BLMH: variants seen among roughly 807,000 people sequenced by gnomAD.
BLMH encodes bleomycin hydrolase.
A neutral mutation model predicts 61.6 loss-of-function variants in BLMH; 32 were observed. The ratio of observed to expected loss-of-function variants is 0.52; its 90% CI spans 0.39 to 0.70. BLMH has a LOEUF of 0.70. Among genes scored for constraint, BLMH ranks in the 30% least tolerant of loss-of-function variants. The pLI is 0.00. For missense variants in BLMH, 460 were observed against 555.5 expected (o/e 0.83, Z 1.73); for synonymous variants, 183 against 193.8 (o/e 0.94, Z 0.46).
At chr17:30,276,753 C>A (rs552515280) in intron 6 of BLMH, among the ~76,000 whole-genome samples, 1 of 152,310 alleles carries the variant, frequency 6.6e-6, no homozygotes, top group African/African-American at 2.4e-5. Flanking sequence ...AACACACTAA[C>A]AATTCGTTTT....
At chr17:30,249,202 A>G (rs760220201) in intron 11 of BLMH, 34 bp from the exon 12 acceptor site, 26 of 1,609,710 alleles carry the variant, frequency 1.6e-5, no homozygotes, top group Middle Eastern at 3.3e-4. Context: ...ATGAGTCCAG[A>G]GGGCAAGGGA....
chr17:30,265,042 T>A (rs1908062086), intron 11 of BLMH, among the ~76,000 whole-genome samples: 1 of 152,210 alleles, frequency 6.6e-6, no homozygotes, highest in Non-Finnish European at 1.5e-5. Flanking sequence ...AGTAGTTAAC[T>A]TAATAGGCAC....
chr17:30,275,328 A>G (rs1017709754), intron 6 of BLMH, among the ~76,000 whole-genome samples: 2 of 152,226 alleles, frequency 1.3e-5, no homozygotes, highest in Non-Finnish European at 2.9e-5. Context: ...CATCATTACG[A>G]TCCAAGGATA....
chr17:30,271,904 CTAGT>C (rs1028179257), intron 9 of BLMH, among the ~76,000 whole-genome samples: 1 of 152,154 alleles, frequency 6.6e-6, no homozygotes, highest in African/African-American at 2.4e-5. Context: ...CTTGCATGTT[CTAGT>C]TAGTGTGAGA....
intron 11 of BLMH, among the ~76,000 whole-genome samples, chr17:30,258,380 T>A (rs1293363437): frequency 6.6e-6 from 1 of 152,150 alleles, no homozygotes; most frequent in Non-Finnish European, 1.5e-5. Flanking sequence ...AACCATTTGC[T>A]GATAAAAGAA....
intron 2 of BLMH, 67 bp downstream of exon 2, chr17:30,291,244 A>ATTT (rs2143063503): frequency 1.3e-6 from 2 of 1,561,982 alleles, no homozygotes; most frequent in Non-Finnish European, 1.7e-6. Context: ...CCACTCTTAA[A>ATTT]TAAGACACCA....
intron 3 of BLMH, 128 bp downstream of exon 3, chr17:30,289,245 G>T: frequency 2.1e-6 from 1 of 472,070 alleles, no homozygotes; most frequent in Non-Finnish European, 3.6e-6. Flanking sequence ...TACTCTGGAA[G>T]TCAGAATAAA....
chr17:30,251,315 C>T (rs1907661404), intron 11 of BLMH, among the ~76,000 whole-genome samples: 1 of 152,096 alleles, frequency 6.6e-6, no homozygotes, highest in African/African-American at 2.4e-5. Flanking sequence ...AATGCTTTAC[C>T]CGAGCCATTG....
Position 30,248,871 on chromosome 17 carries a change from T to C in BLMH, c.*146A>G. ...CTGTTTCAGCATAAAGCACACTTTCTGAAGAGGTTCCTGGTGGAGACTGGA... is the reference window on the plus strand; with the variant it reads ...CTGTTTCAGCATAAAGCACACTTTCCGAAGAGGTTCCTGGTGGAGACTGGA... On this transcript the variant is annotated 3_prime_UTR_variant, in exon 12 of 12. Coordinates refer to ENST00000261714, the MANE Select transcript of BLMH (RefSeq NM_000386.4). 9.9e-7 allele frequency: 1 copy of C among 1,013,070 alleles called. No individual in the cohort carries two copies. Among genetic ancestry groups the C allele is most frequent in the Non-Finnish European group, 1.5e-6 (1 of 684,542 alleles). The allele number at this position is 1,013,070 out of a possible 1,614,324, so 62.8% of individuals were successfully genotyped here.
chr17:30,280,505 G>A (rs1487531783), intron 6 of BLMH, among the ~76,000 whole-genome samples: 1 of 152,060 alleles, frequency 6.6e-6, no homozygotes, highest in African/African-American at 2.4e-5. Flanking sequence ...GAGACAGGGT[G>A]TCCCTCTGTC....
Position 30,287,957 on chromosome 17 carries a change from A to G in BLMH, c.322-10T>C. 2.5e-6 allele frequency: 4 copies of G among 1,602,896 alleles called. No homozygotes were observed. Among genetic ancestry groups the G allele is most frequent in the Non-Finnish European group, 3.4e-6 (4 of 1,175,428 alleles). On this transcript the variant is annotated splice_polypyrimidine_tract_variant and intron_variant, in intron 3 of 11. Transcript: ENST00000261714. ...AATAACAGCGTTCAACCTAAAGAGT[A>G]AAGAAAGTTAAATAACATTAAAAGA...
intron 11 of BLMH, among the ~76,000 whole-genome samples, chr17:30,265,967 A>G (rs1338696437): frequency 1.3e-5 from 2 of 152,152 alleles, no homozygotes; most frequent in African/African-American, 2.4e-5. Flanking sequence ...ATTATTAGAG[A>G]CTTTTTATCT....
chr17:30,257,350 G>A (rs138235388), intron 11 of BLMH, among the ~76,000 whole-genome samples: 3 of 152,162 alleles, frequency 2.0e-5, no homozygotes, highest in African/African-American at 4.8e-5. Flanking sequence ...CCCAAGATAC[G>A]CTGTAAGTGA....
At chr17:30,279,964 G>A (rs1908541058) in intron 6 of BLMH, among the ~76,000 whole-genome samples, 1 of 104,838 alleles carries the variant, frequency 9.5e-6, no homozygotes, top group Non-Finnish European at 2.1e-5. Context: ...AAAGACAAAT[G>A]ATATGGGCCT....
chr17:30,254,927 C>G (rs577807882), intron 11 of BLMH, among the ~76,000 whole-genome samples: 1 of 152,320 alleles, frequency 6.6e-6, no homozygotes, highest in African/African-American at 2.4e-5. Context: ...AATACACATA[C>G]TGTTTTCCAA....
chr17:30,285,578 A>G, intron 5 of BLMH, 98 bp from the exon 6 acceptor site: 1 of 852,292 alleles, frequency 1.2e-6, no homozygotes, highest in Non-Finnish European at 1.8e-6. Flanking sequence ...GGTATAACTC[A>G]GGCCAGACCC....
At chr17:30,279,444 A>G (rs1405290160) in intron 6 of BLMH, among the ~76,000 whole-genome samples, 1 of 152,210 alleles carries the variant, frequency 6.6e-6, no homozygotes, top group African/African-American at 2.4e-5. Flanking sequence ...TAAATAGAGA[A>G]TTTAAACTAA....
At chr17:30,254,003 A>C (rs978378249) in intron 11 of BLMH, among the ~76,000 whole-genome samples, 2 of 152,190 alleles carry the variant, frequency 1.3e-5, no homozygotes, top group Non-Finnish European at 2.9e-5. Flanking sequence ...TCAGAAACAG[A>C]AGAGTTTCAA....
intron 7 of BLMH, chr17:30,273,227 C>T (rs1194463889): frequency 2.1e-5 from 4 of 188,556 alleles, no homozygotes; most frequent in South Asian, 1.2e-4. Flanking sequence ...AGTGCAATGG[C>T]GCCATCTCGG....
Sources: gnomAD v4.1 joint callset for allele counts (sites outside exome capture counted in the v4.1 genomes callset) on GRCh38, gnomAD v4.1.1 for gene constraint, MANE v1.5 for transcripts, NCBI Gene and HGNC (gene_info 2026-07-23, HGNC 2026-07-21) for gene names.